LGALS8: variants seen among roughly 807,000 people sequenced by gnomAD.
LGALS8 encodes the protein galectin-8.
A neutral mutation model predicts 35.9 loss-of-function variants in LGALS8; 30 were observed. The ratio of observed to expected loss-of-function variants is 0.83; its 90% CI spans 0.62 to 1.13. The LOEUF (loss-of-function observed/expected upper bound fraction) is 1.13, where lower values mean the gene tolerates loss of function less well. Among genes scored for constraint, LGALS8 ranks in the 50% most tolerant of loss-of-function variants. The pLI is 0.00. For missense variants in LGALS8, 366 were observed against 388.7 expected, an observed-to-expected ratio of 0.94 and a Z score of 0.49; for synonymous variants, 138 against 136.1, an observed-to-expected ratio of 1.01 and a Z score of -0.10.
Position 236,551,986 on chromosome 1 carries a change from G to T in LGALS8, c.*3825G>T. 2 of 1,494,076 alleles carry T rather than the reference G, an allele frequency of 1.3e-6. No homozygotes were observed. The highest frequency in any genetic ancestry group is 9.3e-7 in the Non-Finnish European group (1 of 1,072,522). The allele number at this position is 1,494,076 out of a possible 1,614,324, so 92.6% of individuals were successfully genotyped here. On this transcript the variant is annotated 3_prime_UTR_variant, in exon 10 of 10. Transcript: ENST00000366584. ...CTTAATTGTTTAATGGTTGGGAATA[G>T]TTTGGGAATTACCTTCCATCAACTC...
At chr1:236,535,876 G>A (rs1016560624) in intron 2 of LGALS8, among the ~76,000 whole-genome samples, 9 of 152,238 alleles carry the variant, frequency 5.9e-5, no homozygotes, top group Non-Finnish European at 8.8e-5. Context: ...CCTCTCCTCT[G>A]TATGTGTGAG....
Position 236,552,844 on chromosome 1 carries a change from A to C in LGALS8, c.*4683A>C, listed in dbSNP as rs759298660. On this transcript the variant is annotated 3_prime_UTR_variant, in exon 10 of 10. Transcript: ENST00000366584. ...CAATCAGGATTTCCTTGATTTGTGC[A>C]AAGTAAAATATTACAATAAATTTGA... is the stretch of plus-strand genomic sequence containing the variant. 2.6e-5 allele frequency: 4 copies of C among 152,258 alleles called. No homozygotes were observed. Among genetic ancestry groups the C allele is most frequent in the African/African-American group, 9.6e-5 (4 of 41,466 alleles). 9.4% of individuals were successfully genotyped at this position (152,258 alleles called of 1,614,324 possible).
chr1:236,534,920 G>A (rs1380767132), intron 2 of LGALS8, among the ~76,000 whole-genome samples: 4 of 151,804 alleles, frequency 2.6e-5, no homozygotes, highest in Admixed American at 2.0e-4. Context: ...AATTAGCTGG[G>A]CATGGTGGCA....
At position 236,537,182 on chromosome 1, in the gene LGALS8, A is replaced by C. The variant is rs181602731; in HGVS notation, c.46-315A>C. ...CAGGCGCCCACCACCACACCCGGCT[A>C]ATTTTTGTATTTTTAGTAGAGACGG... is the stretch of plus-strand genomic sequence containing the variant. On this transcript the variant is annotated intron_variant, in intron 2 of 9. Coordinates refer to ENST00000366584, the MANE Select transcript of LGALS8 (RefSeq NM_201544.4). Among the ~76,000 whole-genome samples, 4 of 151,464 alleles carry C rather than the reference A, an allele frequency of 2.6e-5. No individual in the cohort carries two copies. In the South Asian group the frequency reaches 6.3e-4, roughly 24 times the overall value.
chr1:236,544,144 G>A (rs1013941478), intron 8 of LGALS8, among the ~76,000 whole-genome samples: 9 of 151,698 alleles, frequency 5.9e-5, no homozygotes, highest in Admixed American at 1.3e-4. Context: ...GTAGAGACAG[G>A]GGTTCACCAT....
rs184930041 is a variant in LGALS8 at position 236,552,188 on chromosome 1, A to G, written c.*4027A>G. The G allele has an allele frequency of 5.4e-3, 4,811 of 889,674 alleles. 22 individuals are homozygous for G. Among genetic ancestry groups the G allele is most frequent in the Non-Finnish European group, 7.1e-3 (3,995 of 562,414 alleles). 55.1% of individuals were successfully genotyped at this position (889,674 alleles called of 1,614,324 possible). On this transcript the variant is annotated 3_prime_UTR_variant, in exon 10 of 10. Transcript: ENST00000366584. ...TTAAGAGCTGTACTGACTTGAGACA[A>G]GCTCTAACTTTTTAAACATTAGTTC...
intron 2 of LGALS8, among the ~76,000 whole-genome samples, chr1:236,528,381 C>CA (rs71178325): frequency 0.053 from 4,237 of 80,014 alleles, 116 homozygotes; most frequent in Non-Finnish European, 0.082. Context: ...GACTCCATCT[C>CA]AAAAAAAAAA....
In LGALS8 at chr1:236,552,172, GT is replaced by G; in HGVS notation, c.*4012del. On this transcript the variant is annotated 3_prime_UTR_variant, in exon 10 of 10. Transcript: ENST00000366584. ...TACTGTATTTATTATCTTAAGAGCT[GT>G]ACTGACTTGAGACAAGCTCTAACTT... 1 of 1,051,234 alleles carries G rather than the reference GT, an allele frequency of 9.5e-7. No homozygotes were observed. Among genetic ancestry groups the G allele is most frequent in the African/African-American group, 1.6e-5 (1 of 63,438 alleles). 65.1% of individuals were successfully genotyped at this position (1,051,234 alleles called of 1,614,324 possible). A position where few individuals can be genotyped will look rare whatever the true frequency, so the allele number is the denominator to read the frequency against.
intron 2 of LGALS8, among the ~76,000 whole-genome samples, chr1:236,530,548 C>T (rs1002422240): frequency 1.3e-5 from 2 of 152,102 alleles, no homozygotes; most frequent in African/African-American, 2.4e-5. Flanking sequence ...CAGTTCCAAC[C>T]TTTCACCTAA....
intron 2 of LGALS8, among the ~76,000 whole-genome samples, chr1:236,531,130 A>C (rs1457486949): frequency 6.6e-6 from 1 of 152,148 alleles, no homozygotes; most frequent in East Asian, 1.9e-4. Context: ...CTGCATAATT[A>C]GCAGTAAAAC....
chr1:236,524,958 T>C (rs1405717516), intron 1 of LGALS8, among the ~76,000 whole-genome samples: 1 of 152,202 alleles, frequency 6.6e-6, no homozygotes, highest in African/African-American at 2.4e-5. Flanking sequence ...ATGACAGAAT[T>C]GCTGGAAGTA....
chr1:236,540,261 G>T, intron 4 of LGALS8: 1 of 258,916 alleles, frequency 3.9e-6, no homozygotes. Context: ...GGCGACCTTC[G>T]AACCCAGATG....
chr1:236,537,725 T>G lies in LGALS8; in HGVS notation c.134+140T>G, dbSNP rs895202585. 6 of 685,624 alleles carry G rather than the reference T, an allele frequency of 8.8e-6. No homozygotes were observed. In the African/African-American group the frequency reaches 9.0e-5, roughly 10 times the overall value. The allele number at this position is 685,624 out of a possible 1,614,324, so 42.5% of individuals were successfully genotyped here. A position where few individuals can be genotyped will look rare whatever the true frequency, so the allele number is the denominator to read the frequency against. ...TCATCAGCAGCCCTGGCCAAGGTGC[T>G]GAGGAGATTGGAATGAATGACTAAA... On this transcript the variant is annotated intron_variant, in intron 3 of 9. Transcript: ENST00000366584.
chr1:236,548,010 AGAT>A lies in LGALS8; in HGVS notation c.807_809del (p.Met269del). The A allele has an allele frequency of 1.2e-6, 2 of 1,609,798 alleles. No individual in the cohort carries two copies. Among genetic ancestry groups the A allele is most frequent in the Middle Eastern group, 1.8e-4 (1 of 5,562 alleles). ...CTAATGGCATGTATCCTTTCCTTTC[AGAT>A]GATAATTTATTGTGATGTTAGAGAA... is the stretch of plus-strand genomic sequence containing the variant. On this transcript the variant is annotated splice_acceptor_variant and coding_sequence_variant, in exon 10 of 10. Coordinates refer to ENST00000366584, the MANE Select transcript of LGALS8 (RefSeq NM_201544.4). LOFTEE classifies it high-confidence loss of function.
chr1:236,530,127 A>C (rs905424534), intron 2 of LGALS8, among the ~76,000 whole-genome samples: 1 of 152,254 alleles, frequency 6.6e-6, no homozygotes, highest in Non-Finnish European at 1.5e-5. Context: ...TAGCTGGTTA[A>C]GAAATCATTT....
intron 9 of LGALS8, among the ~76,000 whole-genome samples, chr1:236,546,012 ATGAT>A (rs1662340486): frequency 6.6e-6 from 1 of 152,208 alleles, no homozygotes; most frequent in South Asian, 2.1e-4. Context: ...CAGGAAACCA[ATGAT>A]GTAACTTGTT....
chr1:236,540,796 C>T lies in LGALS8; in HGVS notation c.465+113C>T, dbSNP rs530566993. ...ACATAAAAAGGACGTATCTCCCTGA[C>T]TGTAGTATTAATTTTTTGGAAGTGA... On this transcript the variant is annotated intron_variant, in intron 5 of 9. Transcript: ENST00000366584. 5 of 1,110,982 alleles carry T rather than the reference C, an allele frequency of 4.5e-6. No individual in the cohort carries two copies. In the East Asian group the frequency reaches 1.3e-4, roughly 29 times the overall value. The allele number at this position is 1,110,982 out of a possible 1,614,324, so 68.8% of individuals were successfully genotyped here.
At position 236,544,875 on chromosome 1, in the gene LGALS8, A is replaced by G; in HGVS notation, c.764A>G (p.Asn255Ser). The G allele has an allele frequency of 6.2e-7, 1 of 1,613,316 alleles. No homozygotes were observed. The highest frequency in any genetic ancestry group is 8.5e-7 in the Non-Finnish European group (1 of 1,179,608). Residue 255 changes from asparagine (N) to serine (S), a missense_variant, in exon 9 of 10, where the codon AAT becomes AGT. Coordinates refer to ENST00000366584, the MANE Select transcript of LGALS8 (RefSeq NM_201544.4). ...GAGTCCTGGGGAGAAGAAGAGAGAA[A>G]TATTACCTCTTTCCCATTTAGTCCT... ...LQESWGEEER[N>S]ITSFPFSPGM...
rs914045166 is a variant in LGALS8, at chr1:236,523,987, A to C, written c.-178A>C. 1.3e-5 allele frequency: 5 copies of C among 386,392 alleles called. No individual in the cohort carries two copies. The highest frequency in any genetic ancestry group is 1.6e-5 in the Non-Finnish European group (3 of 192,386). The allele number at this position is 386,392 out of a possible 1,614,324, so 23.9% of individuals were successfully genotyped here. A position where few individuals can be genotyped will look rare whatever the true frequency, so the allele number is the denominator to read the frequency against. ...TCCCGTAGCCGCCCACGGACGCCAG[A>C]GCCGGGAACCCTGACGGCACTTAGC... On this transcript the variant is annotated 5_prime_UTR_variant, in exon 1 of 10. Coordinates refer to ENST00000366584, the MANE Select transcript of LGALS8 (RefSeq NM_201544.4).
Sources: gnomAD v4.1 joint callset for allele counts (sites outside exome capture counted in the v4.1 genomes callset) on GRCh38, gnomAD v4.1.1 for gene constraint, MANE v1.5 for transcripts, NCBI Gene and HGNC (gene_info 2026-07-23, HGNC 2026-07-21) for gene names.